HNRNPL: variants seen among roughly 807,000 people sequenced by gnomAD.
HNRNPL encodes the protein epididymis secretory sperm binding protein.
A neutral mutation model predicts 64.0 loss-of-function variants in HNRNPL; 12 were observed. The ratio of observed to expected loss-of-function variants is 0.19; its 90% confidence interval spans 0.12 to 0.30. HNRNPL has a LOEUF of 0.30. Among genes scored for constraint, HNRNPL ranks in the 10% least tolerant of loss-of-function variants. The pLI is 1.00. For missense variants in HNRNPL, 484 were observed against 797.4 expected (o/e 0.61, Z 4.73); for synonymous variants, 385 against 313.0 (o/e 1.23, Z -2.43).
intron 4 of HNRNPL, 21 bp from the exon 5 acceptor site, chr19:38,844,125 TC>T: frequency 2.0e-6 from 3 of 1,531,350 alleles, no homozygotes; most frequent in Non-Finnish European, 2.7e-6. Flanking sequence ...TTAAGGAAAG[TC>T]CCATCACAGG....
rs577232775 is a variant in HNRNPL at position 38,839,242 on chromosome 19, T to C, written c.1234-227A>G. On this transcript the variant is annotated intron_variant, in intron 8 of 12. Transcript: ENST00000221419. ...TGGGACATAACCCACCAGTAAATCA[T>C]TTAGTGAAGCATGACAGAAAACTGT... 7 of 531,854 alleles carry C rather than the reference T, an allele frequency of 1.3e-5. No homozygotes were observed. The African/African-American group carries it at 1.3e-4, about 10-fold the overall frequency. The allele number at this position is 531,854 out of a possible 1,614,324, so 32.9% of individuals were successfully genotyped here. A position where few individuals can be genotyped will look rare whatever the true frequency, so the allele number is the denominator to read the frequency against.
chr19:38,837,202 G>C lies in HNRNPL; in HGVS notation c.1711+182C>G, dbSNP rs190901639. ...CAGAGTGAGTGGCAGCAGGCAGTCAGGCTGGCTCTCCCAAGAGGAGCACAG... is the reference window on the plus strand; with the variant it reads ...CAGAGTGAGTGGCAGCAGGCAGTCACGCTGGCTCTCCCAAGAGGAGCACAG... On this transcript the variant is annotated intron_variant, in intron 12 of 12. Transcript: ENST00000221419. The C allele has an allele frequency of 3.9e-4, 238 of 605,272 alleles. 1 individual carries two copies. In the African/African-American group the frequency reaches 4.0e-3, roughly 10 times the overall value. 37.5% of individuals were successfully genotyped at this position (605,272 alleles called of 1,614,324 possible).
chr19:38,837,689 A>C, intron 10 of HNRNPL, 38 bp from the exon 11 acceptor site: 1 of 1,588,778 alleles, frequency 6.3e-7, no homozygotes, highest in Non-Finnish European at 8.6e-7. Flanking sequence ...ACTCTGAAAC[A>C]AAAGGGCCGC....
intron 8 of HNRNPL, 44 bp from the exon 9 acceptor site, chr19:38,839,059 G>A (rs749389416): frequency 3.1e-6 from 5 of 1,608,528 alleles, no homozygotes; most frequent in South Asian, 1.1e-5. Context: ...CCAGCTGCCA[G>A]GGTCCCCTCT....
chr19:38,844,090 T>G lies in HNRNPL; in HGVS notation c.725A>C (p.Gln242Pro), dbSNP rs1160508286. 6.2e-7 allele frequency: 1 copy of G among 1,612,274 alleles called. No homozygotes were observed. The change falls in exon 5 of 13, where the codon CAA (glutamine) becomes CCA (proline). Residue 242 changes from glutamine (Q) to proline (P), a missense_variant. Coordinates refer to ENST00000221419, the MANE Select transcript of HNRNPL (RefSeq NM_001533.3). Reference sequence around the variant, plus strand: ...AGAGGCCTTGGCCCGCTGGGCACTTTGAACTGAGTCAAATGTGAGTCAAGT... The same window carrying G: ...AGAGGCCTTGGCCCGCTGGGCACTTGGAACTGAGTCAAATGTGAGTCAAGT... ...VQAMVEFDSV[Q>P]SAQRAKASLN...
chr19:38,849,146 A>G (rs1320927341), intron 1 of HNRNPL, among the ~76,000 whole-genome samples: 1 of 152,266 alleles, frequency 6.6e-6, no homozygotes, highest in Non-Finnish European at 1.5e-5. Flanking sequence ...TGCATTTCAC[A>G]AGTCCTCTTC....
intron 9 of HNRNPL, 121 bp from the exon 10 acceptor site, chr19:38,838,719 G>T: frequency 1.5e-6 from 2 of 1,305,390 alleles, no homozygotes; most frequent in Non-Finnish European, 1.1e-6. Context: ...TACACCTGAG[G>T]CAAGGCTGAC....
chr19:38,837,596 T>C lies in HNRNPL; in HGVS notation c.1613A>G (p.Lys538Arg). The change falls in exon 11 of 13, where the codon AAA becomes AGA. Residue 538 changes from lysine to arginine, a missense_variant and splice_region_variant. This residue lies in a region of HNRNPL where 69 missense variants were observed against 91.8 expected (regional missense o/e 0.75). Coordinates refer to ENST00000221419, the MANE Select transcript of HNRNPL (RefSeq NM_001533.3). ...GGAGGTGGGCACACTCGACTCACTT[T>C]TGCCTGAGAATACTTTCACAGAAGA... Reference protein sequence around the residue: ...RPSSVKVFSGKSERSSSGLLE... With the variant: ...RPSSVKVFSGRSERSSSGLLE... The C allele has an allele frequency of 6.2e-7, 1 of 1,614,230 alleles. No homozygotes were observed. Among genetic ancestry groups the C allele is most frequent in the Non-Finnish European group, 8.5e-7 (1 of 1,180,038 alleles).
At chr19:38,852,106 G>A (rs1004627331), upstream of HNRNPL, among the ~76,000 whole-genome samples, 6 of 147,376 alleles carry the variant, frequency 4.1e-5, 1 homozygote, top group Admixed American at 3.3e-4. Context: ...CACGGCCGGA[G>A]CACGGCGGAA....
chr19:38,841,746 A>T, intron 6 of HNRNPL: 1 of 687,204 alleles, frequency 1.5e-6, no homozygotes, highest in Non-Finnish European at 2.3e-6. Flanking sequence ...CAATTTTTTT[A>T]AAGAATTGTT....
At chr19:38,837,917 G>C (rs1205265960) in intron 10 of HNRNPL, among the ~76,000 whole-genome samples, 1 of 152,208 alleles carries the variant, frequency 6.6e-6, no homozygotes, top group East Asian at 1.9e-4. Context: ...GCTGTTTGCT[G>C]AACACTGTTT....
At chr19:38,844,952 T>TC (rs1277077543) in intron 4 of HNRNPL, 2 of 152,026 alleles carry the variant, frequency 1.3e-5, no homozygotes, top group African/African-American at 4.8e-5. Flanking sequence ...CAGGTATCTG[T>TC]CCACCTCGGC....
Position 38,849,946 on chromosome 19 carries a change from G to T in HNRNPL, c.21C>A (p.Pro7=), listed in dbSNP as rs1233220035. MSRRLL[P]RAEKRRRRLE... is the part of the protein sequence containing the mutation. ...GCCGCCGACGCCGCTTCTCCGCCCG[G>T]GGCAGCAGCCTCCGCGACATGGCGG... is the stretch of plus-strand genomic sequence containing the variant. The change falls in exon 1 of 13, where the codon CCC becomes CCA. Residue 7 remains proline (P), a synonymous_variant. Transcript: ENST00000221419. 3.7e-6 allele frequency: 5 copies of T among 1,357,194 alleles called. No homozygotes were observed. The highest frequency in any genetic ancestry group is 3.0e-5 in the East Asian group (1 of 33,572). 84.1% of individuals were successfully genotyped at this position (1,357,194 alleles called of 1,614,324 possible). A position where few individuals can be genotyped will look rare whatever the true frequency, so the allele number is the denominator to read the frequency against.
At chr19:38,842,748 T>A (rs965382079) in intron 6 of HNRNPL, among the ~76,000 whole-genome samples, 1 of 152,140 alleles carries the variant, frequency 6.6e-6, no homozygotes, top group Non-Finnish European at 1.5e-5. Flanking sequence ...TCGTTTTTTT[T>A]TGGGCCCCAG....
At chr19:38,846,341 G>A (rs912497849) in intron 2 of HNRNPL, among the ~76,000 whole-genome samples, 31 of 152,114 alleles carry the variant, frequency 2.0e-4, no homozygotes, top group African/African-American at 7.0e-4. Context: ...ACCCACAGAC[G>A]GCTTCTTGAG....
chr19:38,843,956 C>T (rs1972199693), intron 5 of HNRNPL, 42 bp from the exon 6 acceptor site: 6 of 1,610,028 alleles, frequency 3.7e-6, no homozygotes, highest in Non-Finnish European at 5.1e-6. Flanking sequence ...TCAGCCATGC[C>T]CCAGCTCACC....
rs182629328 is a variant in HNRNPL, at chr19:38,845,838, C to T, written c.624+15G>A. ...AGGAAGGGAGACCTCACAAGAAATG[C>T]CTGCTGGCACGTACCGTGGTGATCG... On this transcript the variant is annotated intron_variant, in intron 3 of 12. Coordinates refer to ENST00000221419, the MANE Select transcript of HNRNPL (RefSeq NM_001533.3). The T allele has an allele frequency of 1.2e-6, 2 of 1,609,274 alleles. No individual in the cohort carries two copies.
chr19:38,841,378 C>G (rs1243403436), intron 6 of HNRNPL: 1 of 352,366 alleles, frequency 2.8e-6, no homozygotes, highest in Non-Finnish European at 5.6e-6. Flanking sequence ...TAACTTTTAA[C>G]TGAGCAGTTA....
chr19:38,837,342 TAGGTCACC>T, intron 12 of HNRNPL, 34 bp downstream of exon 12: 1 of 1,512,368 alleles, frequency 6.6e-7, no homozygotes, highest in Non-Finnish European at 9.2e-7. Flanking sequence ...GCCAACCCAT[TAGGTCACC>T]AGGTTGATGC....
Sources: allele counts gnomAD v4.1 joint callset (sites outside exome capture counted in the v4.1 genomes callset), GRCh38; gene constraint gnomAD v4.1.1; regional missense constraint gnomAD v4.1.1; transcripts MANE v1.5; gene names NCBI Gene and HGNC (gene_info 2026-07-23, HGNC 2026-07-21).